CLIC5: variants seen among roughly 807,000 people sequenced by gnomAD.
The protein encoded by CLIC5 is chloride intracellular channel protein 5.
A neutral mutation model predicts 24.7 loss-of-function variants in CLIC5; 20 were observed. That is an observed-to-expected ratio of 0.81 (90% CI 0.57 to 1.18). The LOEUF (loss-of-function observed/expected upper bound fraction) is 1.18, where lower values mean the gene tolerates loss of function less well. Ranked by LOEUF, CLIC5 falls within the 50% of genes most tolerant of loss-of-function variation. CLIC5 has a pLI of 0.00. For missense variants in CLIC5, 341 were observed against 326.1 expected (o/e 1.05, Z -0.35); for synonymous variants, 159 against 135.6 (o/e 1.17, Z -1.20).
intron 1 of CLIC5, among the ~76,000 whole-genome samples, chr6:45,974,493 G>A (rs1323722706): frequency 1.2e-5 from 1 of 85,406 alleles, no homozygotes; most frequent in Non-Finnish European, 2.3e-5. Flanking sequence ...CTGTGTGTGT[G>A]TGTGTATATA....
the CLIC5 span, among the ~76,000 whole-genome samples, chr6:46,107,516 AGAT>A: frequency 6.6e-6 from 1 of 152,246 alleles, no homozygotes; most frequent in Non-Finnish European, 1.5e-5. Context: ...CCAAAATAAA[AGAT>A]AACATTGTGA....
At chr6:45,895,601 G>C (rs1370617880), downstream of CLIC5, among the ~76,000 whole-genome samples, 2 of 152,220 alleles carry the variant, frequency 1.3e-5, no homozygotes, top group African/African-American at 4.8e-5. Context: ...GTCTGCAATA[G>C]TGTCTCATGA....
chr6:45,892,157 A>G (rs1762353132), intron 6 of CLIC5: 1 of 152,178 alleles, frequency 6.6e-6, no homozygotes, highest in South Asian at 2.1e-4. Context: ...GTGAGACTTG[A>G]TGGCAGTCTT....
chr6:46,127,624 C>A, the CLIC5 span, among the ~76,000 whole-genome samples: 3 of 152,158 alleles, frequency 2.0e-5, no homozygotes, highest in African/African-American at 7.2e-5. Flanking sequence ...TAAAGTTCTA[C>A]AATGAAACTA....
chr6:45,925,315 C>A (rs899654147), intron 4 of CLIC5, among the ~76,000 whole-genome samples: 3 of 145,568 alleles, frequency 2.1e-5, no homozygotes, highest in Non-Finnish European at 3.0e-5. Flanking sequence ...GTCATTATTC[C>A]GCTTTTTTTT....
At chr6:45,922,026 C>CG (rs1763283081) in intron 4 of CLIC5, among the ~76,000 whole-genome samples, 1 of 152,150 alleles carries the variant, frequency 6.6e-6, no homozygotes. Flanking sequence ...AGACAAACAG[C>CG]GGTTTATGAG....
the CLIC5 span, among the ~76,000 whole-genome samples, chr6:46,085,740 C>T: frequency 6.6e-6 from 1 of 152,354 alleles, no homozygotes; most frequent in Middle Eastern, 3.4e-3. Flanking sequence ...TGCCCGTTCT[C>T]AGATCTCCAG....
the CLIC5 span, among the ~76,000 whole-genome samples, chr6:46,100,873 G>A: frequency 6.6e-6 from 1 of 152,104 alleles, no homozygotes; most frequent in Non-Finnish European, 1.5e-5. Flanking sequence ...CCCCTCAATG[G>A]GGTGCAGCAG....
the CLIC5 span, among the ~76,000 whole-genome samples, chr6:46,114,745 G>A: frequency 7.2e-5 from 11 of 152,142 alleles, no homozygotes; most frequent in African/African-American, 2.7e-4. Flanking sequence ...CCCAGTCTCT[G>A]GTACTTTGTT....
rs1762448655 is a variant in CLIC5 at position 45,899,225 on chromosome 6, G to A, written c.*3863C>T. 1 of 152,122 alleles carries A rather than the reference G, an allele frequency of 6.6e-6. No homozygotes were observed. The highest frequency in any genetic ancestry group is 2.1e-4 in the South Asian group (1 of 4,828). The allele number at this position is 152,122 out of a possible 1,614,324, so 9.4% of individuals were successfully genotyped here. A position where few individuals can be genotyped will look rare whatever the true frequency, so the allele number is the denominator to read the frequency against. ...TAAGTTTTCCTAACATCAGAATCAGGGTGCTTCACATGCACATGTCTTTCT... is the reference window on the plus strand; with the variant it reads ...TAAGTTTTCCTAACATCAGAATCAGAGTGCTTCACATGCACATGTCTTTCT... On this transcript the variant is annotated 3_prime_UTR_variant, in exon 6 of 6. Transcript: ENST00000339561.
At chr6:46,036,786 G>C (rs1767674479) in intron 1 of CLIC5, among the ~76,000 whole-genome samples, 1 of 152,118 alleles carries the variant, frequency 6.6e-6, no homozygotes, top group South Asian at 2.1e-4. Context: ...AGGGTTTGTA[G>C]TTTCCATACT....
chr6:46,072,993 G>A (rs2127475657), intron 1 of CLIC5, among the ~76,000 whole-genome samples: 1 of 152,252 alleles, frequency 6.6e-6, no homozygotes, highest in South Asian at 2.1e-4. Flanking sequence ...AAAATCCCCT[G>A]GATGGACAGC....
intron 4 of CLIC5, among the ~76,000 whole-genome samples, chr6:45,915,812 A>G (rs1163886677): frequency 1.3e-5 from 2 of 152,220 alleles, no homozygotes; most frequent in Non-Finnish European, 2.9e-5. Context: ...CTAATCAGAG[A>G]ACACTACCAT....
intron 1 of CLIC5, among the ~76,000 whole-genome samples, chr6:45,958,449 T>TACACACACACACACAC (rs1561964569): frequency 2.1e-4 from 5 of 24,228 alleles, no homozygotes; most frequent in African/African-American, 3.6e-4. Context: ...TATATATATA[T>TACACACACACACACAC]ATATATATAT....
At chr6:45,904,631 C>T (rs1216997496) in intron 5 of CLIC5, among the ~76,000 whole-genome samples, 1 of 846 alleles carries the variant, frequency 1.2e-3, no homozygotes, top group Non-Finnish European at 3.0e-3. Flanking sequence ...ACTCCCCTCC[C>T]TCCCTCTTTT....
intron 6 of CLIC5, among the ~76,000 whole-genome samples, chr6:45,884,969 G>GTTTTTTTTTTTTTTTCTTTTTT (rs370190646): frequency 6.6e-6 from 1 of 150,438 alleles, no homozygotes; most frequent in Admixed American, 6.6e-5. Flanking sequence ...CAGGAAATAG[G>GTTTTTTTTTTTTTTTCTTTTTT]TTTTTTAAAA....
At chr6:46,109,610 G>GA in the CLIC5 span, among the ~76,000 whole-genome samples, 1 of 149,934 alleles carries the variant, frequency 6.7e-6, no homozygotes, top group Non-Finnish European at 1.5e-5. Flanking sequence ...AATTACATGG[G>GA]AATGAATAGA....
chr6:45,954,690 C>T (rs1020039537), intron 2 of CLIC5, among the ~76,000 whole-genome samples: 2 of 152,166 alleles, frequency 1.3e-5, no homozygotes, highest in Non-Finnish European at 2.9e-5. Flanking sequence ...CTAGAACTGT[C>T]ACACTGAGGA....
At chr6:46,019,977 G>T (rs2127449285), upstream of CLIC5, among the ~76,000 whole-genome samples, 1 of 152,086 alleles carries the variant, frequency 6.6e-6, no homozygotes, top group East Asian at 1.9e-4. Flanking sequence ...TATAGTTAGA[G>T]ACTTCAGTTC....
Sources: allele counts gnomAD v4.1 joint callset (sites outside exome capture counted in the v4.1 genomes callset), GRCh38; gene constraint gnomAD v4.1.1; transcripts MANE v1.5; gene names NCBI Gene and HGNC (gene_info 2026-07-23, HGNC 2026-07-21).